Variants in KCNC2 observed in about 807,000 individuals in gnomAD.
KCNC2 encodes the protein potassium voltage-gated channel subfamily C member 2, also known as voltage-gated potassium channel KCNC2.
KCNC2 carries 21 observed loss-of-function variants against 44.5 expected under a neutral mutation model. The ratio of observed to expected loss-of-function variants is 0.47; its 90% CI spans 0.33 to 0.68. The LOEUF (loss-of-function observed/expected upper bound fraction) is 0.68, where lower values mean the gene tolerates loss of function less well. Ranked by LOEUF, KCNC2 falls within the 30% of genes least tolerant of loss-of-function variation. The pLI is 0.01. For synonymous variants in KCNC2, 391 were observed against 339.1 expected, an observed-to-expected ratio of 1.15 and a Z score of -1.68; for missense variants, 589 against 826.2, an observed-to-expected ratio of 0.71 and a Z score of 3.52.
At chr12:75,054,722 T>C (rs909020491) in intron 2 of KCNC2, among the ~76,000 whole-genome samples, 3 of 152,026 alleles carry the variant, frequency 2.0e-5, no homozygotes, top group Non-Finnish European at 4.4e-5. Flanking sequence ...GAATGCCAGG[T>C]AATAAGGGGA....
chr12:75,055,355 A>G (rs544038069), intron 2 of KCNC2, among the ~76,000 whole-genome samples: 165 of 152,200 alleles, frequency 1.1e-3, no homozygotes, highest in African/African-American at 3.4e-3. Context: ...TAAAAAGCAA[A>G]TTGAACTGGC....
intron 2 of KCNC2, among the ~76,000 whole-genome samples, chr12:75,055,168 G>T (rs917781532): frequency 2.0e-5 from 3 of 152,066 alleles, no homozygotes; most frequent in African/African-American, 7.2e-5. Flanking sequence ...TTGCACGATT[G>T]TTACTACTGA....
chr12:75,048,500 G>C (rs1241650958), intron 3 of KCNC2, among the ~76,000 whole-genome samples, 183 bp from the exon 4 acceptor site: 1 of 152,064 alleles, frequency 6.6e-6, no homozygotes, highest in Non-Finnish European at 1.5e-5. Context: ...AAATGGAAAT[G>C]TATTGAAAAG....
At chr12:75,150,872 T>G (rs577347409) in intron 2 of KCNC2, among the ~76,000 whole-genome samples, 1 of 152,070 alleles carries the variant, frequency 6.6e-6, no homozygotes, top group Non-Finnish European at 1.5e-5. Context: ...AACTCAGCTA[T>G]GTAAAACGTA....
intron 2 of KCNC2, among the ~76,000 whole-genome samples, chr12:75,085,728 G>A (rs1250993527): frequency 6.6e-6 from 1 of 151,872 alleles, no homozygotes; most frequent in Admixed American, 6.6e-5. Flanking sequence ...TCTACTTATA[G>A]GCCTTTACTT....
At chr12:75,185,104 T>C (rs933589802) in intron 2 of KCNC2, among the ~76,000 whole-genome samples, 1 of 152,218 alleles carries the variant, frequency 6.6e-6, no homozygotes, top group Non-Finnish European at 1.5e-5. Context: ...TATTTTCTCA[T>C]AGAAGAAAGT....
intron 4 of KCNC2, among the ~76,000 whole-genome samples, chr12:75,043,966 T>C (rs937598595): frequency 6.6e-6 from 1 of 152,000 alleles, no homozygotes; most frequent in Non-Finnish European, 1.5e-5. Flanking sequence ...AATAATTTGG[T>C]GTTAATTCAT....
chr12:75,130,987 C>A (rs1007940769), intron 2 of KCNC2, among the ~76,000 whole-genome samples: 1 of 151,964 alleles, frequency 6.6e-6, no homozygotes, highest in Admixed American at 6.6e-5. Context: ...GTGTAGAATA[C>A]CCTTTGGGAT....
At chr12:75,201,038 C>T (rs939198217) in intron 2 of KCNC2, among the ~76,000 whole-genome samples, 3 of 151,412 alleles carry the variant, frequency 2.0e-5, no homozygotes, top group Non-Finnish European at 4.4e-5. Context: ...GGATATACAC[C>T]TGCACTGAAT....
intron 2 of KCNC2, among the ~76,000 whole-genome samples, chr12:75,178,733 A>G (rs1390938760): frequency 3.9e-5 from 6 of 152,100 alleles, no homozygotes; most frequent in Non-Finnish European, 8.8e-5. Flanking sequence ...ACATGAAAAC[A>G]TTCAAAACAT....
intron 4 of KCNC2, among the ~76,000 whole-genome samples, chr12:75,046,251 G>A (rs1880496599): frequency 1.3e-5 from 2 of 151,700 alleles, no homozygotes; most frequent in Admixed American, 6.6e-5. Flanking sequence ...TGTGAAATAA[G>A]ATTGCATGTA....
intron 2 of KCNC2, among the ~76,000 whole-genome samples, chr12:75,110,942 A>G (rs1168611334): frequency 6.6e-6 from 1 of 152,152 alleles, no homozygotes; most frequent in Non-Finnish European, 1.5e-5. Context: ...CATCTTAAAA[A>G]TACGCTTTGT....
At chr12:75,075,303 T>A (rs987749185) in intron 2 of KCNC2, among the ~76,000 whole-genome samples, 2 of 151,866 alleles carry the variant, frequency 1.3e-5, no homozygotes, top group African/African-American at 4.8e-5. Flanking sequence ...TGGTTACATT[T>A]TACTCCAATC....
intron 2 of KCNC2, among the ~76,000 whole-genome samples, chr12:75,183,223 A>G (rs1892720544): frequency 6.6e-6 from 1 of 152,236 alleles, no homozygotes. Context: ...GCAAAGTAAC[A>G]CAGTGTGAAA....
chr12:75,207,300 G>T lies in KCNC2; in HGVS notation c.684C>A (p.Ala228=). Residue 228 remains alanine (A), a synonymous_variant, in exon 2 of 5, where the codon GCC becomes GCA. Coordinates refer to ENST00000549446, the MANE Select transcript of KCNC2 (RefSeq NM_139137.4). This position sits in a 1 kb window ranked among gnomAD's most constrained non-coding sequence, Gnocchi z 4.1. The part of the protein sequence containing the change: ...LFEDPYSSRA[A]RFIAFASLFF... ...AAGGGGTCGATTCTGGCCTTACCCTGGCGGCTCTGGACGAGTAGGGGTCTT... is the reference window on the plus strand; with the variant it reads ...AAGGGGTCGATTCTGGCCTTACCCTTGCGGCTCTGGACGAGTAGGGGTCTT... 1 of 1,538,294 alleles carries T rather than the reference G, an allele frequency of 6.5e-7. No homozygotes were observed. The highest frequency in any genetic ancestry group is 1.2e-5 in the South Asian group (1 of 80,550).
At chr12:75,191,594 A>G (rs2030271521) in intron 2 of KCNC2, among the ~76,000 whole-genome samples, 1 of 114,864 alleles carries the variant, frequency 8.7e-6, no homozygotes, top group Non-Finnish European at 1.6e-5. Flanking sequence ...CCCAGGCTGG[A>G]CTGCGGACTG....
At chr12:75,135,500 T>C (rs1889163598) in intron 2 of KCNC2, among the ~76,000 whole-genome samples, 1 of 152,090 alleles carries the variant, frequency 6.6e-6, no homozygotes, top group Non-Finnish European at 1.5e-5. Context: ...TACATGCTTA[T>C]ATTCAAACTT....
chr12:75,085,205 T>A (rs955736812), intron 2 of KCNC2, among the ~76,000 whole-genome samples: 7 of 152,070 alleles, frequency 4.6e-5, no homozygotes, highest in African/African-American at 1.7e-4. Flanking sequence ...TTGTATTTCA[T>A]GTCTAAATTA....
chr12:75,100,360 C>G (rs909175837), intron 2 of KCNC2, among the ~76,000 whole-genome samples: 13 of 151,986 alleles, frequency 8.6e-5, no homozygotes, highest in African/African-American at 3.1e-4. Context: ...GTCAGGAGAC[C>G]TAACTCCTTA....
Sources: allele counts gnomAD v4.1 joint callset (sites outside exome capture counted in the v4.1 genomes callset), GRCh38; gene constraint gnomAD v4.1.1; non-coding constraint Gnocchi (gnomAD v3.1); transcripts MANE v1.5; gene names NCBI Gene and HGNC (gene_info 2026-07-23, HGNC 2026-07-21).